The following BRAF variants were observed in gnomAD, a reference collection of about 807,000 sequenced individuals.
BRAF encodes the protein B-Raf proto-oncogene, serine/threonine kinase.
Under a neutral mutation model 104.6 loss-of-function variants are expected in BRAF, and 16 were observed. That is an observed-to-expected ratio of 0.15 (90% CI 0.10 to 0.23). The LOEUF is 0.23. BRAF is among the 10% of genes least tolerant of loss of function. The pLI is 1.00. For missense variants in BRAF, 541 were observed against 937.3 expected (o/e 0.58, Z 5.52); for synonymous variants, 310 against 341.6 (o/e 0.91, Z 1.02).
chr7:140,883,396 T>C (rs1207215022), intron 1 of BRAF, among the ~76,000 whole-genome samples: 1 of 152,232 alleles, frequency 6.6e-6, no homozygotes, highest in Non-Finnish European at 1.5e-5. Flanking sequence ...GCCTTTAATC[T>C]GTCGTATATA....
intron 1 of BRAF, among the ~76,000 whole-genome samples, chr7:140,900,939 G>A (rs1175340699): frequency 2.0e-5 from 3 of 152,034 alleles, no homozygotes; most frequent in South Asian, 2.1e-4. Flanking sequence ...TCCCTCAGAC[G>A]CTCCACAGGC....
At chr7:140,745,764 T>C (rs1003240005) in intron 17 of BRAF, among the ~76,000 whole-genome samples, 14 of 152,248 alleles carry the variant, frequency 9.2e-5, no homozygotes, top group African/African-American at 3.4e-4. Flanking sequence ...CTATATTCCA[T>C]AGTGCTTTGC....
intron 1 of BRAF, among the ~76,000 whole-genome samples, chr7:140,884,429 A>ATGTGTGTG (rs71170770): frequency 0.015 from 1,943 of 127,428 alleles, 23 homozygotes; most frequent in East Asian, 0.028. Context: ...TATATAAGAT[A>ATGTGTGTG]TGTGTGTGTG....
intron 1 of BRAF, among the ~76,000 whole-genome samples, chr7:140,866,543 T>C (rs1305687714): frequency 6.6e-6 from 1 of 152,190 alleles, no homozygotes; most frequent in African/African-American, 2.4e-5. Flanking sequence ...GCTGGCTATA[T>C]AAAATATTAA....
chr7:140,852,690 T>C (rs531761299), intron 1 of BRAF, among the ~76,000 whole-genome samples: 2 of 152,294 alleles, frequency 1.3e-5, no homozygotes, highest in South Asian at 2.1e-4. Flanking sequence ...TATGAACTGA[T>C]GAAGCCCAAA....
chr7:140,804,713 C>T (rs1054793255), intron 5 of BRAF, among the ~76,000 whole-genome samples: 47 of 152,276 alleles, frequency 3.1e-4, no homozygotes, highest in African/African-American at 1.1e-3. Context: ...TGACTATATA[C>T]AACATGAATT....
chr7:140,789,853 C>T (rs1016497482), intron 8 of BRAF, among the ~76,000 whole-genome samples: 3 of 152,184 alleles, frequency 2.0e-5, no homozygotes, highest in Admixed American at 1.3e-4. Flanking sequence ...GCCTCGGCCT[C>T]CCGAGTAGCT....
chr7:140,753,681 T>A (rs1797970081), intron 15 of BRAF: 2 of 331,088 alleles, frequency 6.0e-6, no homozygotes, highest in Non-Finnish European at 1.1e-5. Context: ...TCCCATTAGA[T>A]TTTAGCAATG....
At chr7:140,769,790 G>C (rs1452468540) in intron 14 of BRAF, among the ~76,000 whole-genome samples, 3 of 152,138 alleles carry the variant, frequency 2.0e-5, no homozygotes, top group African/African-American at 7.2e-5. Flanking sequence ...ATCCAGGCTG[G>C]TCTCAAACTC....
At position 140,719,857 on chromosome 7, in the gene BRAF, G is replaced by A. The variant is rs1463804786; in HGVS notation, c.*6637C>T. 1 of 1,062,832 alleles carries A rather than the reference G, an allele frequency of 9.4e-7. No homozygotes were observed. The highest frequency in any genetic ancestry group is 1.6e-5 in the African/African-American group (1 of 60,950). 65.8% of individuals were successfully genotyped at this position (1,062,832 alleles called of 1,614,324 possible). A position where few individuals can be genotyped will look rare whatever the true frequency, so the allele number is the denominator to read the frequency against. On this transcript the variant is annotated 3_prime_UTR_variant, in exon 20 of 20. Coordinates refer to ENST00000644969, the MANE Select transcript of BRAF (RefSeq NM_001374258.1). ...CGAGAACCTTTTCAATGCTTGAGTG[G>A]AACTGAAGTGTACTAAACCCGAACC...
intron 18 of BRAF, among the ~76,000 whole-genome samples, chr7:140,736,772 C>T: frequency 6.6e-6 from 1 of 151,652 alleles, no homozygotes; most frequent in Non-Finnish European, 1.5e-5. Context: ...CACTGGGGCT[C>T]ACGCCTGTAA....
chr7:140,857,571 A>G (rs188496991), intron 1 of BRAF, among the ~76,000 whole-genome samples: 141 of 152,346 alleles, frequency 9.3e-4, no homozygotes, highest in African/African-American at 3.3e-3. Flanking sequence ...GGTTTTACTA[A>G]TGAGTTTATT....
intron 3 of BRAF, among the ~76,000 whole-genome samples, chr7:140,824,845 G>A (rs894681052): frequency 5.9e-5 from 9 of 152,108 alleles, no homozygotes; most frequent in African/African-American, 2.2e-4. Flanking sequence ...TAAGGGTATC[G>A]CGTGCCTATT....
intron 3 of BRAF, among the ~76,000 whole-genome samples, chr7:140,821,233 C>T (rs1805443442): frequency 6.6e-6 from 1 of 151,970 alleles, no homozygotes; most frequent in Admixed American, 6.5e-5. Context: ...ATCCTTCTGC[C>T]TTGGCCTCCC....
chr7:140,818,133 T>C (rs191131827), intron 3 of BRAF, among the ~76,000 whole-genome samples: 1 of 152,082 alleles, frequency 6.6e-6, no homozygotes, highest in Non-Finnish European at 1.5e-5. Flanking sequence ...GACTGTCTTT[T>C]TGGGGACAAG....
At chr7:140,777,866 ACT>A (rs1800483288) in intron 13 of BRAF, 123 bp downstream of exon 12, 2 of 951,762 alleles carry the variant, frequency 2.1e-6, no homozygotes. Flanking sequence ...ACTCAGACAT[ACT>A]CTGTTTCTAC....
chr7:140,891,737 G>C (rs924849285), intron 1 of BRAF, among the ~76,000 whole-genome samples: 2 of 151,754 alleles, frequency 1.3e-5, no homozygotes, highest in Non-Finnish European at 2.9e-5. Context: ...AGCAGGGTAA[G>C]TATCACCTCA....
intron 1 of BRAF, among the ~76,000 whole-genome samples, chr7:140,876,724 T>G (rs954272688): frequency 6.6e-6 from 1 of 152,198 alleles, no homozygotes; most frequent in Admixed American, 6.5e-5. Flanking sequence ...TCAGCACTCC[T>G]TTCAGTAATA....
chr7:140,791,697 CA>C (rs940425625), intron 8 of BRAF, among the ~76,000 whole-genome samples: 16 of 152,180 alleles, frequency 1.1e-4, no homozygotes, highest in African/African-American at 3.9e-4. Context: ...TATATGCCCC[CA>C]AAAAGCTAAA....
Sources: gnomAD v4.1 joint callset for allele counts (sites outside exome capture counted in the v4.1 genomes callset) on GRCh38, gnomAD v4.1.1 for gene constraint, MANE v1.5 for transcripts, NCBI Gene and HGNC (gene_info 2026-07-23, HGNC 2026-07-21) for gene names.